KCTD2: variants seen among roughly 807,000 people sequenced by gnomAD.
The protein encoded by KCTD2 is potassium channel tetramerization domain containing 2.
Under a neutral mutation model 27.9 loss-of-function variants are expected in KCTD2, and 18 were observed. That is an observed-to-expected ratio of 0.64 (90% CI 0.45 to 0.96). KCTD2 has a LOEUF of 0.96. KCTD2 is among the 40% of genes least tolerant of loss of function. The pLI is 0.00. For synonymous variants in KCTD2, 175 were observed against 148.4 expected (o/e 1.18, Z -1.30); for missense variants, 280 against 348.0 (o/e 0.80, Z 1.56).
chr17:75,062,280 C>T lies in KCTD2; in HGVS notation c.762+35C>T, dbSNP rs761346256. On this transcript the variant is annotated intron_variant, in intron 5 of 5. Coordinates refer to ENST00000322444, the MANE Select transcript of KCTD2 (RefSeq NM_015353.3). Reference sequence around the variant, plus strand: ...CCCTTCCCTGGGCAGTTGCCTCTGGCTTGCTTGTTCGCACCCCCTCCGTGG... The same window carrying T: ...CCCTTCCCTGGGCAGTTGCCTCTGGTTTGCTTGTTCGCACCCCCTCCGTGG... 1.9e-5 allele frequency: 31 copies of T among 1,590,534 alleles called. No homozygotes were observed. In the Admixed American group the frequency reaches 4.6e-4, roughly 23 times the overall value.
intron 1 of KCTD2, chr17:75,033,989 T>C (rs1473395249): frequency 2.0e-5 from 3 of 152,144 alleles, no homozygotes; most frequent in Non-Finnish European, 4.4e-5. Flanking sequence ...GAGGTGAAAG[T>C]TCCTTTTACG....
At chr17:75,058,880 G>A (rs71380860) in intron 3 of KCTD2, among the ~76,000 whole-genome samples, 5 of 152,008 alleles carry the variant, frequency 3.3e-5, no homozygotes, top group Admixed American at 6.6e-5. Flanking sequence ...GGTGGATCAC[G>A]AGGTCAGGAG....
intron 1 of KCTD2, among the ~76,000 whole-genome samples, chr17:75,047,957 G>A (rs2073245026): frequency 6.6e-6 from 1 of 152,104 alleles, no homozygotes; most frequent in Non-Finnish European, 1.5e-5. Flanking sequence ...CCCACTGCCG[G>A]TGCCAGATGC....
At chr17:75,062,991 A>T in intron 5 of KCTD2, 27 bp from the exon 6 acceptor site, 1 of 1,613,580 alleles carries the variant, frequency 6.2e-7, no homozygotes, top group Non-Finnish European at 8.5e-7. Context: ...CAGCAGCCTC[A>T]GCCTCTCCCC....
In KCTD2 at chr17:75,056,952, C is replaced by CTTTTTTTT. The variant is rs35875644; in HGVS notation, c.541-2546_541-2539dup. On this transcript the variant is annotated intron_variant, in intron 3 of 5. Coordinates refer to ENST00000322444, the MANE Select transcript of KCTD2 (RefSeq NM_015353.3). ...CTCTGTTTCTTTTTTTTTCTTTTTT[C>CTTTTTTTT]TTTTTTTTTTTTTTTTTTTGGAGAC... Among the ~76,000 whole-genome samples the CTTTTTTTT allele has an allele frequency of 7.0e-3, 753 of 107,944 alleles. 4 individuals are homozygous for CTTTTTTTT. Among genetic ancestry groups the CTTTTTTTT allele is most frequent in the Non-Finnish European group, 8.5e-3 (475 of 55,994 alleles). The allele number at this position is 107,944 out of a possible 152,430, so 70.8% of individuals were successfully genotyped here.
At chr17:75,038,673 GTGTTAT>G (rs2073126934) in intron 3 of KCTD2, among the ~76,000 whole-genome samples, 1 of 152,098 alleles carries the variant, frequency 6.6e-6, no homozygotes, top group Non-Finnish European at 1.5e-5. Context: ...ATAGCCCCTA[GTGTTAT>G]TTGTTGCCAT....
Position 75,047,469 on chromosome 17 carries a change from G to C in KCTD2, c.219G>C (p.Trp73Cys). Residue 73 changes from tryptophan to cysteine, a missense_variant, in exon 1 of 6, where the codon TGG becomes TGC. Trp to Cys is a radical substitution (Grantham distance 215). Coordinates refer to ENST00000322444, the MANE Select transcript of KCTD2 (RefSeq NM_015353.3). Reference sequence around the variant, plus strand: ...CAGGGGGCGGCGGCGCGGCCCGCTGGGTCAGGCTGAACGTGGGAGGCACCT... The same window carrying C: ...CAGGGGGCGGCGGCGCGGCCCGCTGCGTCAGGCTGAACGTGGGAGGCACCT... ...ERAGGGGAAR[W>C]VRLNVGGTYF... is the part of the protein sequence containing the mutation. The C allele has an allele frequency of 6.3e-7, 1 of 1,576,766 alleles. No individual in the cohort carries two copies. Among genetic ancestry groups the C allele is most frequent in the Non-Finnish European group, 8.6e-7 (1 of 1,163,498 alleles).
chr17:75,060,553 T>A, intron 4 of KCTD2: 2 of 1,612,960 alleles, frequency 1.2e-6, no homozygotes, highest in East Asian at 2.2e-5. Context: ...ACTTCTGTGT[T>A]GTCCTGGTTG....
chr17:75,045,035 C>T (rs146343520), upstream of KCTD2, among the ~76,000 whole-genome samples: 2,032 of 152,218 alleles, frequency 0.013, 19 homozygotes, highest in Non-Finnish European at 0.022. Flanking sequence ...CACATAGGTT[C>T]TTTTCTATTT....
chr17:75,062,367 T>C (rs113211160), intron 5 of KCTD2, 122 bp downstream of exon 5: 18 of 919,552 alleles, frequency 2.0e-5, no homozygotes, highest in African/African-American at 1.7e-4. Context: ...CGTTGCATTT[T>C]CCCCTCGTTT....
chr17:75,047,258 A>G lies in KCTD2; in HGVS notation c.8A>G (p.Glu3Gly). ...TGGCGGCGGCGGTCCAAGATGGCGGAACTGCAGCTGGACCCGGCGATGGCG... is the reference window on the plus strand; with the variant it reads ...TGGCGGCGGCGGTCCAAGATGGCGGGACTGCAGCTGGACCCGGCGATGGCG... MA[E>G]LQLDPAMAGL... The change falls in exon 1 of 6, where the codon GAA (glutamate) becomes GGA (glycine). Residue 3 changes from glutamate (E) to glycine (G), a missense_variant. Coordinates refer to ENST00000322444, the MANE Select transcript of KCTD2 (RefSeq NM_015353.3). The G allele has an allele frequency of 9.9e-7, 1 of 1,012,142 alleles. No homozygotes were observed. The highest frequency in any genetic ancestry group is 1.3e-6 in the Non-Finnish European group (1 of 794,952). The allele number at this position is 1,012,142 out of a possible 1,614,324, so 62.7% of individuals were successfully genotyped here.
At chr17:75,054,704 G>T (rs1052532870) in intron 3 of KCTD2, among the ~76,000 whole-genome samples, 1 of 152,030 alleles carries the variant, frequency 6.6e-6, no homozygotes, top group Non-Finnish European at 1.5e-5. Flanking sequence ...CTGCTCGGGA[G>T]GCTGAAGCAG....
At chr17:75,038,597 A>G (rs2073126384) in intron 3 of KCTD2, among the ~76,000 whole-genome samples, 2 of 152,254 alleles carry the variant, frequency 1.3e-5, no homozygotes, top group South Asian at 2.1e-4. Context: ...GTTTGAAACC[A>G]AAGAGGAAGT....
intron 4 of KCTD2, among the ~76,000 whole-genome samples, chr17:75,060,889 T>C (rs1307019232): frequency 1.3e-5 from 2 of 152,202 alleles, no homozygotes; most frequent in African/African-American, 4.8e-5. Flanking sequence ...GTCTCTGCCT[T>C]CAGAGCCAGC....
At chr17:75,059,677 G>C (rs2073384388) in intron 4 of KCTD2, 72 bp downstream of exon 4, 4 of 1,196,642 alleles carry the variant, frequency 3.3e-6, no homozygotes, top group Non-Finnish European at 4.9e-6. Context: ...CAATCAGTGT[G>C]GATGGCCAAT....
intron 3 of KCTD2, chr17:75,038,794 C>A: frequency 9.7e-7 from 1 of 1,034,620 alleles, no homozygotes; most frequent in Non-Finnish European, 1.4e-6. Flanking sequence ...AAAAACCCCG[C>A]TGCCAGTGAG....
At chr17:75,049,806 C>T (rs980709919) in intron 2 of KCTD2, among the ~76,000 whole-genome samples, 1 of 152,200 alleles carries the variant, frequency 6.6e-6, no homozygotes. Flanking sequence ...TGACCTAATT[C>T]ATTCTCTAGT....
chr17:75,038,875 A>AT, intron 3 of KCTD2: 1 of 1,548,076 alleles, frequency 6.5e-7, no homozygotes, highest in African/African-American at 1.4e-5. Flanking sequence ...TATAATTATT[A>AT]TTTTTAATGT....
In KCTD2 at chr17:75,063,221, C is replaced by A; in HGVS notation, c.*174C>A. On this transcript the variant is annotated 3_prime_UTR_variant, in exon 6 of 6. Coordinates refer to ENST00000322444, the MANE Select transcript of KCTD2 (RefSeq NM_015353.3). ...AGGAACTCCCTCCCCACCTGCAGGACTCCGAAGACAGTGCGACTTCTGGCT... is the reference window on the plus strand; with the variant it reads ...AGGAACTCCCTCCCCACCTGCAGGAATCCGAAGACAGTGCGACTTCTGGCT... 1 of 650,656 alleles carries A rather than the reference C, an allele frequency of 1.5e-6. No individual in the cohort carries two copies. 40.3% of individuals were successfully genotyped at this position (650,656 alleles called of 1,614,324 possible).
Sources: allele counts gnomAD v4.1 joint callset (sites outside exome capture counted in the v4.1 genomes callset), GRCh38; gene constraint gnomAD v4.1.1; transcripts MANE v1.5; gene names NCBI Gene and HGNC (gene_info 2026-07-23, HGNC 2026-07-21).